The following IPO8 variants were observed in gnomAD, a reference collection of about 807,000 sequenced individuals.
IPO8 encodes the protein importin 8.
IPO8 carries 65 observed loss-of-function variants against 141.2 expected under a neutral mutation model. The observed-to-expected ratio is 0.46, with a 90% CI of 0.38 to 0.57. The LOEUF (loss-of-function observed/expected upper bound fraction) is 0.57. IPO8 is among the 20% of genes least tolerant of loss of function. The pLI is 0.00. For synonymous variants in IPO8, 411 were observed against 420.3 expected (o/e 0.98, Z 0.27); for missense variants, 980 against 1,246.8 (o/e 0.79, Z 3.22).
chr12:30,655,019 T>C (rs2136142553), intron 17 of IPO8, among the ~76,000 whole-genome samples: 1 of 151,876 alleles, frequency 6.6e-6, no homozygotes, highest in East Asian at 1.9e-4. Context: ...CCAGTCCACC[T>C]TAAAAAAAAA....
chr12:30,656,550 C>T, intron 17 of IPO8, 134 bp downstream of exon 17: 1 of 511,896 alleles, frequency 2.0e-6, no homozygotes. Context: ...AAAGGACATC[C>T]AAAAATTGAA....
intron 2 of IPO8, among the ~76,000 whole-genome samples, chr12:30,685,518 G>A (rs2053232552): frequency 6.8e-6 from 1 of 148,058 alleles, no homozygotes; most frequent in African/African-American, 2.7e-5. Flanking sequence ...GTGTGTGTGT[G>A]TGTGTGTGTG....
intron 8 of IPO8, 91 bp from the exon 9 acceptor site, chr12:30,671,187 T>A (rs1591838341): frequency 1.3e-6 from 1 of 762,114 alleles, no homozygotes; most frequent in South Asian, 1.8e-5. Flanking sequence ...AAATTCAGAA[T>A]CCATAGAAAA....
intron 21 of IPO8, among the ~76,000 whole-genome samples, chr12:30,638,353 G>A (rs545159645): frequency 1.6e-4 from 24 of 152,272 alleles, no homozygotes; most frequent in African/African-American, 5.3e-4. Flanking sequence ...CCAGTGTCCT[G>A]CAAGTAGAAA....
intron 19 of IPO8, among the ~76,000 whole-genome samples, chr12:30,650,706 T>C (rs1318804412): frequency 6.6e-6 from 1 of 152,116 alleles, no homozygotes; most frequent in Non-Finnish European, 1.5e-5. Flanking sequence ...TTGCATTTAC[T>C]TGGGGACCAT....
intron 17 of IPO8, 58 bp from the exon 18 acceptor site, chr12:30,653,150 G>T: frequency 3.9e-6 from 6 of 1,525,358 alleles, no homozygotes; most frequent in Non-Finnish European, 4.5e-6. Flanking sequence ...TTAAAACAAA[G>T]ACCACACAGA....
chr12:30,632,196 G>A (rs1224213307), intron 23 of IPO8, among the ~76,000 whole-genome samples, 185 bp from the exon 24 acceptor site: 2 of 152,162 alleles, frequency 1.3e-5, no homozygotes, highest in African/African-American at 4.8e-5. Context: ...TACCCACTTA[G>A]TACCCAGCTA....
intron 20 of IPO8, among the ~76,000 whole-genome samples, chr12:30,644,370 A>AC (rs2052612916): frequency 1.0e-5 from 1 of 97,258 alleles, no homozygotes; most frequent in Non-Finnish European, 2.1e-5. Context: ...TCCAATCTCC[A>AC]TTAAAAAAAA....
chr12:30,631,625 C>A (rs2052433647), intron 24 of IPO8: 3 of 280,828 alleles, frequency 1.1e-5, no homozygotes, highest in African/African-American at 6.5e-5. Context: ...CTTATCCCAA[C>A]CCTTACTTTG....
intron 21 of IPO8, 40 bp from the exon 22 acceptor site, chr12:30,637,227 G>A: frequency 6.9e-7 from 1 of 1,451,114 alleles, no homozygotes. Flanking sequence ...GACATGAGAA[G>A]TGGAATAAAG....
Position 30,634,207 on chromosome 12 carries a change from CTCA to C in IPO8, c.2772_2774del (p.Asp924del). On this transcript the variant is annotated inframe_deletion, in exon 23 of 25. Coordinates refer to ENST00000256079, the MANE Select transcript of IPO8 (RefSeq NM_006390.4). ...CATCCCAGTCATCATCTTCCTCCTC[CTCA>C]TCTTCACCTCTTCCATTATTTGACT... 6.2e-7 allele frequency: 1 copy of C among 1,613,902 alleles called. No individual in the cohort carries two copies. Among genetic ancestry groups the C allele is most frequent in the Non-Finnish European group, 8.5e-7 (1 of 1,179,810 alleles).
intron 16 of IPO8, among the ~76,000 whole-genome samples, chr12:30,660,874 A>G (rs1165055931): frequency 1.3e-5 from 2 of 151,810 alleles, no homozygotes; most frequent in Non-Finnish European, 2.9e-5. Flanking sequence ...CATAGCAGAT[A>G]TGATTAACTG....
intron 24 of IPO8, 27 bp from the exon 25 acceptor site, chr12:30,630,984 GAAGAA>G: frequency 6.4e-7 from 1 of 1,554,608 alleles, no homozygotes; most frequent in Non-Finnish European, 8.8e-7. Context: ...GAAAAGGGGA[GAAGAA>G]AAAAAAAGAA....
intron 16 of IPO8, among the ~76,000 whole-genome samples, chr12:30,657,717 A>G (rs1431634618): frequency 6.6e-6 from 1 of 152,222 alleles, no homozygotes; most frequent in Non-Finnish European, 1.5e-5. Context: ...AGGGAATATT[A>G]AGCAACCATT....
At chr12:30,661,895 T>G (rs969297088) in intron 15 of IPO8, among the ~76,000 whole-genome samples, 5 of 152,182 alleles carry the variant, frequency 3.3e-5, no homozygotes, top group African/African-American at 1.2e-4. Context: ...TCTAATGAAC[T>G]ATAGTAATAT....
At chr12:30,652,323 G>A (rs747211640) in intron 18 of IPO8, 34 bp from the exon 19 acceptor site, 29 of 1,214,386 alleles carry the variant, frequency 2.4e-5, no homozygotes, top group Admixed American at 3.5e-5. Context: ...TGAGACTTGA[G>A]TGACAGAAAT....
intron 10 of IPO8, among the ~76,000 whole-genome samples, chr12:30,668,646 T>A (rs146132875): frequency 6.6e-6 from 1 of 152,094 alleles, no homozygotes; most frequent in Admixed American, 6.6e-5. Flanking sequence ...AAACTGGGAA[T>A]AAAAGGGAAT....
chr12:30,674,872 T>C, intron 6 of IPO8, 119 bp from the exon 7 acceptor site: 1 of 713,318 alleles, frequency 1.4e-6, no homozygotes, highest in African/African-American at 1.8e-5. Flanking sequence ...GTTAGATTGC[T>C]ATACAAATGA....
rs193294241 is a variant in IPO8 at position 30,658,949 on chromosome 12, C to T, written c.1881+2192G>A. Among the ~76,000 whole-genome samples, 1,211 of 138,492 alleles carry T rather than the reference C, an allele frequency of 8.7e-3. 16 individuals carry two copies. The highest frequency in any genetic ancestry group is 0.032 in the African/African-American group (1,163 of 36,646). 90.9% of individuals were successfully genotyped at this position (138,492 alleles called of 152,430 possible). On this transcript the variant is annotated intron_variant, in intron 16 of 24. Transcript: ENST00000256079. ...AGGCTGGAGTGCAATGGCATGATCT[C>T]GGCTCATTGCGAGCTCCGCCTCCCG...
Sources: allele counts gnomAD v4.1 joint callset (sites outside exome capture counted in the v4.1 genomes callset), GRCh38; gene constraint gnomAD v4.1.1; transcripts MANE v1.5; gene names NCBI Gene and HGNC (gene_info 2026-07-23, HGNC 2026-07-21).